Variants in USP13 observed in about 807,000 individuals in gnomAD.
The protein encoded by USP13 is ubiquitin specific peptidase 13.
Under a neutral mutation model 107.8 loss-of-function variants are expected in USP13, and 68 were observed. The observed-to-expected ratio is 0.63, with a 90% CI of 0.52 to 0.77. USP13 has a LOEUF of 0.77. Ranked by LOEUF, USP13 falls within the 30% of genes least tolerant of loss-of-function variation. The pLI, the probability that USP13 is intolerant of heterozygous loss-of-function variation, is 0.00. For synonymous variants in USP13, 377 were observed against 389.5 expected (o/e 0.97, Z 0.38); for missense variants, 945 against 1,093.3 (o/e 0.86, Z 1.91).
At position 179,708,466 on chromosome 3, in the gene USP13, C is replaced by A. The variant is rs1361494402; in HGVS notation, c.621-307C>A. Among the ~76,000 whole-genome samples the A allele has an allele frequency of 3.9e-5, 6 of 152,094 alleles. No homozygotes were observed. The East Asian group carries it at 1.2e-3, about 29-fold the overall frequency. On this transcript the variant is annotated intron_variant, in intron 5 of 20. Transcript: ENST00000263966. Reference sequence around the variant, plus strand: ...GGGATTTGGGATTACAGGTGCCCACCACCACACCTGGCTAATCATTGTATT... The same window carrying A: ...GGGATTTGGGATTACAGGTGCCCACAACCACACCTGGCTAATCATTGTATT...
At position 179,787,213 on chromosome 3, in the gene USP13, C is replaced by G. The variant is rs1005242738; in HGVS notation, c.*3072C>G. On this transcript the variant is annotated 3_prime_UTR_variant, in exon 21 of 21. Coordinates refer to ENST00000263966, the MANE Select transcript of USP13 (RefSeq NM_003940.3). ...AGTCCAGCGGGGATAGCTCGAGCCT[C>G]TTGCTCCCTGAGTCATTTATTCCCT... The G allele has an allele frequency of 2.0e-5, 3 of 152,204 alleles. No homozygotes were observed. The highest frequency in any genetic ancestry group is 4.4e-5 in the Non-Finnish European group (3 of 68,056). 9.4% of individuals were successfully genotyped at this position (152,204 alleles called of 1,614,324 possible). A position where few individuals can be genotyped will look rare whatever the true frequency, so the allele number is the denominator to read the frequency against.
intron 1 of USP13, among the ~76,000 whole-genome samples, chr3:179,660,536 T>C (rs1305453199): frequency 6.6e-6 from 1 of 152,250 alleles, no homozygotes; most frequent in African/African-American, 2.4e-5. Flanking sequence ...CACCTGTTAA[T>C]GGACATCGGG....
intron 1 of USP13, among the ~76,000 whole-genome samples, chr3:179,671,757 T>C (rs1720755106): frequency 1.3e-5 from 2 of 152,166 alleles, no homozygotes; most frequent in Non-Finnish European, 2.9e-5. Flanking sequence ...TGTCCGCTCT[T>C]TTTTGAGTCG....
At position 179,713,588 on chromosome 3, in the gene USP13, C is replaced by G. The variant is rs557816970; in HGVS notation, c.805+4631C>G. Among the ~76,000 whole-genome samples the G allele has an allele frequency of 2.6e-4, 39 of 152,206 alleles. No homozygotes were observed. In the South Asian group the frequency reaches 7.7e-3, roughly 30 times the overall value. On this transcript the variant is annotated intron_variant, in intron 6 of 20. Transcript: ENST00000263966. The stretch of plus-strand genomic sequence containing the variant: ...GGTCTGCTCTTCCACACTCGCTGGG[C>G]TCACTCAGTCCAGTTCAACTCACAA...
intron 1 of USP13, among the ~76,000 whole-genome samples, chr3:179,668,172 A>C (rs1334220351): frequency 6.6e-6 from 1 of 151,998 alleles, no homozygotes. Flanking sequence ...TTATTTATTT[A>C]TATTTTTTTT....
intron 19 of USP13, among the ~76,000 whole-genome samples, chr3:179,775,221 G>C (rs889522558): frequency 2.0e-5 from 3 of 152,148 alleles, no homozygotes; most frequent in South Asian, 4.1e-4. Flanking sequence ...ATGCTGATCG[G>C]TGCATTTACA....
chr3:179,687,792 T>C (rs1259077431), intron 2 of USP13, among the ~76,000 whole-genome samples: 1 of 150,186 alleles, frequency 6.7e-6, no homozygotes, highest in Non-Finnish European at 1.5e-5. Context: ...CAAATGCACA[T>C]ATCTATGGCA....
chr3:179,714,496 C>T (rs1713037779), intron 6 of USP13, among the ~76,000 whole-genome samples: 1 of 152,196 alleles, frequency 6.6e-6, no homozygotes, highest in Admixed American at 6.5e-5. Flanking sequence ...TAATGGTGGT[C>T]ACCCAGGACG....
At chr3:179,767,913 T>C (rs1715229296) in intron 19 of USP13, among the ~76,000 whole-genome samples, 1 of 152,236 alleles carries the variant, frequency 6.6e-6, no homozygotes, top group African/African-American at 2.4e-5. Context: ...TCTTCTTCTT[T>C]TTTTTAATAT....
rs1418795350 is a variant in USP13, at chr3:179,721,547, C to T, written c.1046C>T (p.Ser349Phe). The change falls in exon 8 of 21, where the codon TCT becomes TTT. Residue 349 changes from serine to phenylalanine, a missense_variant. Ser to Phe is a radical substitution (Grantham distance 155). Coordinates refer to ENST00000263966, the MANE Select transcript of USP13 (RefSeq NM_003940.3). This position sits in a 1 kb window ranked among gnomAD's most constrained non-coding sequence, Gnocchi z 4.3. ...CTGGGCAACAGCTGCTATCTCAGCT[C>T]TGTCATGCAGGCCATCTTCAGCATC... ...KNLGNSCYLS[S>F]VMQAIFSIPE... 1 of 1,614,050 alleles carries T rather than the reference C, an allele frequency of 6.2e-7. No homozygotes were observed. The highest frequency in any genetic ancestry group is 1.7e-5 in the Admixed American group (1 of 60,012).
chr3:179,721,376 G>A lies in USP13; in HGVS notation c.901-26G>A. ...TTGAATGGGAATCACATTTAAAGTT[G>A]TTTTTCTTCGATGACTTTGTCTCAG... On this transcript the variant is annotated intron_variant, in intron 7 of 20. Transcript: ENST00000263966. The surrounding 1 kb of genome is among the most constrained non-coding windows in gnomAD (Gnocchi z 4.3). 6.2e-7 allele frequency: 1 copy of A among 1,604,554 alleles called. No homozygotes were observed. The highest frequency in any genetic ancestry group is 8.5e-7 in the Non-Finnish European group (1 of 1,173,910).
chr3:179,781,868 T>TC, intron 20 of USP13, 45 bp downstream of exon 20: 1 of 1,516,772 alleles, frequency 6.6e-7, no homozygotes, highest in African/African-American at 1.4e-5. Context: ...ATTTATTGAG[T>TC]ACCTACTATA....
chr3:179,778,984 AAG>A (rs146526083), intron 19 of USP13, among the ~76,000 whole-genome samples: 24,029 of 152,018 alleles, frequency 0.16, 2,013 homozygotes, highest in East Asian at 0.21. Flanking sequence ...CATCTGAAAA[AAG>A]AGAGTTTCAG....
At chr3:179,776,883 T>G (rs1470174918) in intron 19 of USP13, among the ~76,000 whole-genome samples, 2 of 145,042 alleles carry the variant, frequency 1.4e-5, no homozygotes, top group Admixed American at 6.8e-5. Context: ...TTTTTTTTTT[T>G]GGGAGGACGT....
chr3:179,701,940 C>T (rs943955678), intron 4 of USP13, among the ~76,000 whole-genome samples: 4 of 152,170 alleles, frequency 2.6e-5, no homozygotes, highest in African/African-American at 9.7e-5. Context: ...GTTTTTCCTG[C>T]TCTTTGCTCA....
At chr3:179,728,499 T>G in intron 8 of USP13, among the ~76,000 whole-genome samples, 3 of 136,606 alleles carry the variant, frequency 2.2e-5, no homozygotes, top group Non-Finnish European at 4.7e-5. Flanking sequence ...CTTTCCAGAC[T>G]GGGCAGCCAG....
At chr3:179,731,658 A>G (rs1460357740) in intron 10 of USP13, among the ~76,000 whole-genome samples, 1 of 151,904 alleles carries the variant, frequency 6.6e-6, no homozygotes, top group Non-Finnish European at 1.5e-5. Context: ...TTGTTGTACA[A>G]CTCCAGAGGG....
rs561803025 is a variant in USP13 at position 179,695,083 on chromosome 3, A to G, written c.355+4782A>G. On this transcript the variant is annotated intron_variant, in intron 3 of 20. Coordinates refer to ENST00000263966, the MANE Select transcript of USP13 (RefSeq NM_003940.3). ...GGAGGCAGCTAGTAGCCTCTGCCAC[A>G]GACTCTTTCCCTCAAAGGGATGCTG... is the stretch of plus-strand genomic sequence containing the variant. Among the ~76,000 whole-genome samples the G allele has an allele frequency of 2.0e-5, 3 of 152,354 alleles. No homozygotes were observed. In the South Asian group the frequency reaches 6.2e-4, roughly 32 times the overall value.
intron 19 of USP13, among the ~76,000 whole-genome samples, chr3:179,766,765 C>G (rs1406939989): frequency 6.6e-6 from 1 of 152,216 alleles, no homozygotes; most frequent in Non-Finnish European, 1.5e-5. Flanking sequence ...CCACACAGCT[C>G]TTAAGAGATG....
Sources: gnomAD v4.1 joint callset for allele counts (sites outside exome capture counted in the v4.1 genomes callset) on GRCh38, gnomAD v4.1.1 for gene constraint, Gnocchi (gnomAD v3.1) non-coding constraint, MANE v1.5 for transcripts, NCBI Gene and HGNC (gene_info 2026-07-23, HGNC 2026-07-21) for gene names.